The following ZBED5 variants were observed in gnomAD, a reference collection of about 807,000 sequenced individuals.
ZBED5 encodes zinc finger BED domain-containing protein 5.
In ZBED5, 29 loss-of-function variants were observed where a neutral mutation model predicts 49.2. That is an observed-to-expected ratio of 0.59 (90% CI 0.44 to 0.80). ZBED5 has a LOEUF of 0.80. Among genes scored for constraint, ZBED5 ranks in the 30% least tolerant of loss-of-function variants. ZBED5 has a pLI of 0.00. For synonymous variants in ZBED5, 281 were observed against 292.5 expected, an observed-to-expected ratio of 0.96 and a Z score of 0.40; for missense variants, 775 against 812.9, an observed-to-expected ratio of 0.95 and a Z score of 0.57.
At position 10,854,998 on chromosome 11, in the gene ZBED5, C is replaced by T. The variant is rs2232917; in HGVS notation, c.-53G>A. 221 of 1,511,974 alleles carry T rather than the reference C, an allele frequency of 1.5e-4. No homozygotes were observed. The East Asian group carries it at 4.9e-3, about 34-fold the overall frequency. The allele number at this position is 1,511,974 out of a possible 1,614,324, so 93.7% of individuals were successfully genotyped here. The stretch of plus-strand genomic sequence containing the variant: ...AGTTAATTTGTAAATGCTGCCTATT[C>T]ATCAATGCGCAGATGGAACATCATA... On this transcript the variant is annotated 5_prime_UTR_variant, in exon 3 of 3. An upstream start codon of the reference 5' UTR is lost. Coordinates refer to ENST00000413761, the MANE Select transcript of ZBED5 (RefSeq NM_001143667.2). This position sits in a 1 kb window ranked among gnomAD's most constrained non-coding sequence, Gnocchi z 5.0.
rs1219646491 is a variant in ZBED5 at position 10,854,220 on chromosome 11, C to G, written c.726G>C (p.Gln242His). Residue 242 changes from glutamine (Q) to histidine (H), a missense_variant, in exon 3 of 3, where the codon CAG becomes CAC. Gln to His is a conservative substitution (Grantham distance 24). Transcript: ENST00000413761. This position sits in a 1 kb window ranked among gnomAD's most constrained non-coding sequence, Gnocchi z 5.0. The stretch of plus-strand genomic sequence containing the variant: ...GACGTGCAACAGTACTGTTTGATAG[C>G]TGTACTGCATCTATTTTTTTACTAT... Reference protein sequence around the residue: ...EQYSKKIDAVQLSNSTVARRI... With the variant: ...EQYSKKIDAVHLSNSTVARRI... 1.3e-6 allele frequency: 2 copies of G among 1,550,950 alleles called. No homozygotes were observed. Among genetic ancestry groups the G allele is most frequent in the African/African-American group, 2.7e-5 (2 of 72,990 alleles).
Position 10,857,493 on chromosome 11 carries a change from T to C in ZBED5, c.-256+369A>G, listed in dbSNP as rs1279107151. The C allele has an allele frequency of 1.3e-5, 2 of 152,382 alleles. No homozygotes were observed. 9.4% of individuals were successfully genotyped at this position (152,382 alleles called of 1,614,324 possible). A position where few individuals can be genotyped will look rare whatever the true frequency, so the allele number is the denominator to read the frequency against. The stretch of plus-strand genomic sequence containing the variant: ...TCCTTCCAACACCTAAATGCTTTTT[T>C]AAACGGTCACCTGGATGTGCAGCCA... On this transcript the variant is annotated intron_variant, in intron 1 of 2. Coordinates refer to ENST00000413761, the MANE Select transcript of ZBED5 (RefSeq NM_001143667.2). This position sits in a 1 kb window ranked among gnomAD's most constrained non-coding sequence, Gnocchi z 6.3.
At position 10,854,899 on chromosome 11, in the gene ZBED5, A is replaced by G. The variant is rs747258793; in HGVS notation, c.47T>C (p.Phe16Ser). The G allele has an allele frequency of 7.7e-6, 12 of 1,551,358 alleles. No individual in the cohort carries two copies. The highest frequency in any genetic ancestry group is 1.7e-4 in the Middle Eastern group (1 of 6,004). Reference sequence around the variant, plus strand: ...TTTAGAATAGACATTGAGTATCGCAAATGTGTTGAAATTATAAGACAGGAT... The same window carrying G: ...TTTAGAATAGACATTGAGTATCGCAGATGTGTTGAAATTATAAGACAGGAT... ...LCILSYNFNTFAILNVYSKLT... is the reference protein window; with the variant it reads ...LCILSYNFNTSAILNVYSKLT... The change falls in exon 3 of 3, where the codon TTT becomes TCT. Residue 16 changes from phenylalanine to serine, a missense_variant. Transcript: ENST00000413761. This position sits in a 1 kb window ranked among gnomAD's most constrained non-coding sequence, Gnocchi z 5.0.
At position 10,853,674 on chromosome 11, in the gene ZBED5, T is replaced by C. The variant is rs1848134403; in HGVS notation, c.1272A>G (p.Thr424=). ...ILCEEMGAQH[T]ALLLNTEVRW... The stretch of plus-strand genomic sequence containing the variant: ...TCACCTCTGTATTTAGAAGAAGTGC[T>C]GTGTGCTGAGCACCCATTTCCTCAC... The change falls in exon 3 of 3, where the codon ACA becomes ACG. Residue 424 remains threonine (T), a synonymous_variant. Coordinates refer to ENST00000413761, the MANE Select transcript of ZBED5 (RefSeq NM_001143667.2). This position sits in a 1 kb window ranked among gnomAD's most constrained non-coding sequence, Gnocchi z 5.4. 1.3e-6 allele frequency: 2 copies of C among 1,551,560 alleles called. No homozygotes were observed. Among genetic ancestry groups the C allele is most frequent in the East Asian group, 2.4e-5 (1 of 40,934 alleles).
In ZBED5 at chr11:10,857,187, A is replaced by C; in HGVS notation, c.-256+675T>G. ...TGCCAGAGGACACAGAAGAGTAGGAAGCTTTTGTTTTCAGAAAGAAGGTCC... is the reference window on the plus strand; with the variant it reads ...TGCCAGAGGACACAGAAGAGTAGGACGCTTTTGTTTTCAGAAAGAAGGTCC... On this transcript the variant is annotated intron_variant, in intron 1 of 2. Transcript: ENST00000413761. The surrounding 1 kb of genome is among the most constrained non-coding windows in gnomAD (Gnocchi z 6.3). The C allele has an allele frequency of 6.6e-6, 1 of 152,238 alleles. No homozygotes were observed. The highest frequency in any genetic ancestry group is 1.9e-4 in the East Asian group (1 of 5,198). The allele number at this position is 152,238 out of a possible 1,614,324, so 9.4% of individuals were successfully genotyped here. A position where few individuals can be genotyped will look rare whatever the true frequency, so the allele number is the denominator to read the frequency against.
Position 10,853,966 on chromosome 11 carries a change from A to T in ZBED5, c.980T>A (p.Phe327Tyr), listed in dbSNP as rs1311433043. 1 of 1,551,486 alleles carries T rather than the reference A, an allele frequency of 6.4e-7. No homozygotes were observed. Among genetic ancestry groups the T allele is most frequent in the African/African-American group, 1.4e-5 (1 of 73,040 alleles). The change falls in exon 3 of 3, where the codon TTT (phenylalanine) becomes TAT (tyrosine). Residue 327 changes from phenylalanine (F) to tyrosine (Y), a missense_variant. By Grantham distance (22) the Phe-to-Tyr change is conservative. Transcript: ENST00000413761. This position sits in a 1 kb window ranked among gnomAD's most constrained non-coding sequence, Gnocchi z 5.4. ...GEEIFNCINS[F>Y]MQKHEIEWEK... ...CCATTCAATTTCATGTTTCTGCATA[A>T]AACTGTTGATACAGTTGAATATTTC...
Position 10,857,830 on chromosome 11 carries a change from C to T in ZBED5, c.-256+32G>A, listed in dbSNP as rs550204639. The T allele has an allele frequency of 6.5e-6, 1 of 152,774 alleles. No homozygotes were observed. The highest frequency in any genetic ancestry group is 1.9e-4 in the East Asian group (1 of 5,204). The allele number at this position is 152,774 out of a possible 1,614,324, so 9.5% of individuals were successfully genotyped here. A position where few individuals can be genotyped will look rare whatever the true frequency, so the allele number is the denominator to read the frequency against. ...AGGAAGCGGCCATTTCAGAGCGCAC[C>T]GCTTAGCCGCGGCGGCGGCTCTGCT... On this transcript the variant is annotated intron_variant, in intron 1 of 2. Coordinates refer to ENST00000413761, the MANE Select transcript of ZBED5 (RefSeq NM_001143667.2). This position sits in a 1 kb window ranked among gnomAD's most constrained non-coding sequence, Gnocchi z 6.3.
Position 10,854,048 on chromosome 11 carries a change from A to T in ZBED5, c.898T>A (p.Ser300Thr), listed in dbSNP as rs1476678841. Residue 300 changes from serine (S) to threonine (T), a missense_variant, in exon 3 of 3, where the codon TCT becomes ACT. Physicochemically the swap from Ser to Thr is moderately conservative, Grantham distance 58 (BLOSUM62 1). Coordinates refer to ENST00000413761, the MANE Select transcript of ZBED5 (RefSeq NM_001143667.2). The surrounding 1 kb of genome is among the most constrained non-coding windows in gnomAD (Gnocchi z 5.0). ...CACAGGAGTAGGTCTTCCTCAATAG[A>T]CTTATTAAACCTATAACGAACAAAC... ...LVFVRYRFNK[S>T]IEEDLLLCES... 24 of 1,551,226 alleles carry T rather than the reference A, an allele frequency of 1.5e-5. No individual in the cohort carries two copies. The highest frequency in any genetic ancestry group is 1.9e-5 in the Non-Finnish European group (22 of 1,146,916).
rs1367825982 is a variant in ZBED5 at position 10,853,703 on chromosome 11, A to C, written c.1243T>G (p.Leu415Val). 1 of 1,551,632 alleles carries C rather than the reference A, an allele frequency of 6.4e-7. No individual in the cohort carries two copies. Among genetic ancestry groups the C allele is most frequent in the Admixed American group, 2.0e-5 (1 of 50,994 alleles). The change falls in exon 3 of 3, where the codon TTA becomes GTA. Residue 415 changes from leucine to valine, a missense_variant. Coordinates refer to ENST00000413761, the MANE Select transcript of ZBED5 (RefSeq NM_001143667.2). This position sits in a 1 kb window ranked among gnomAD's most constrained non-coding sequence, Gnocchi z 5.4. ...RPHQSRLLKI[L>V]CEEMGAQHTA... ...TGCTGAGCACCCATTTCCTCACATA[A>C]AATTTTTAATAGTCTGGATTGATGT...
chr11:10,854,837 C>G lies in ZBED5; in HGVS notation c.109G>C (p.Asp37His), dbSNP rs973020559. 1.9e-6 allele frequency: 3 copies of G among 1,551,990 alleles called. No homozygotes were observed. The highest frequency in any genetic ancestry group is 2.6e-6 in the Non-Finnish European group (3 of 1,146,994). The part of the protein sequence containing the change: ...MFCTTNSLPM[D>H]LLLKQGSLKQ... The stretch of plus-strand genomic sequence containing the variant: ...AGACTTCCTTGTTTCAGCAACAGAT[C>G]CATGGGCAATGAGTTTGTGGTACAA... Residue 37 changes from aspartate to histidine, a missense_variant, in exon 3 of 3, where the codon GAT (aspartate) becomes CAT (histidine). Physicochemically the swap from Asp to His is moderately conservative, Grantham distance 81 (BLOSUM62 -1). Coordinates refer to ENST00000413761, the MANE Select transcript of ZBED5 (RefSeq NM_001143667.2). This position sits in a 1 kb window ranked among gnomAD's most constrained non-coding sequence, Gnocchi z 5.0.
intron 1 of ZBED5, among the ~76,000 whole-genome samples, chr11:10,856,986 G>A (rs1268208719): frequency 1.3e-5 from 2 of 152,200 alleles, no homozygotes; most frequent in Non-Finnish European, 2.9e-5. Context: ...CGAAACGGAT[G>A]AACAATGGAT....
Position 10,855,039 on chromosome 11 carries a change from T to TGATC in ZBED5, c.-98_-95dup, listed in dbSNP as rs149400229. On this transcript the variant is annotated 5_prime_UTR_variant, in exon 3 of 3. It introduces an in-frame stop codon into an upstream open reading frame of the 5' UTR. Transcript: ENST00000413761. The surrounding 1 kb of genome is among the most constrained non-coding windows in gnomAD (Gnocchi z 4.1). ...GAACATCATACGTTCATGTATCAGG[T>TGATC]GATCTCTCATGCGACTTCCTGGTGC... 2,127 of 1,428,842 alleles carry TGATC rather than the reference T, an allele frequency of 1.5e-3. 36 individuals are homozygous for TGATC. The African/African-American group carries it at 0.027, about 18-fold the overall frequency. 88.5% of individuals were successfully genotyped at this position (1,428,842 alleles called of 1,614,324 possible).
rs765280786 is a variant in ZBED5 at position 10,853,309 on chromosome 11, C to G, written c.1637G>C (p.Cys546Ser). 7.1e-6 allele frequency: 11 copies of G among 1,551,592 alleles called. No individual in the cohort carries two copies. The highest frequency in any genetic ancestry group is 9.6e-6 in the Non-Finnish European group (11 of 1,146,956). The change falls in exon 3 of 3, where the codon TGC becomes TCC. Residue 546 changes from cysteine to serine, a missense_variant. Transcript: ENST00000413761. The surrounding 1 kb of genome is among the most constrained non-coding windows in gnomAD (Gnocchi z 5.4). ...CCTTAGGTGCTGCACAATGGCACTG[C>G]AAATATCTTTATCAACTGTAGAATT... ...EINSTVDKDI[C>S]SAIVQHLRGL...
Position 10,854,902 on chromosome 11 carries a change from G to C in ZBED5, c.44C>G (p.Thr15Arg), listed in dbSNP as rs189388307. 6.4e-7 allele frequency: 1 copy of C among 1,551,458 alleles called. No homozygotes were observed. The highest frequency in any genetic ancestry group is 2.4e-5 in the East Asian group (1 of 40,888). ...AGAATAGACATTGAGTATCGCAAAT[G>C]TGTTGAAATTATAAGACAGGATACA... ...LLCILSYNFN[T>R]FAILNVYSKL... Residue 15 changes from threonine (T) to arginine (R), a missense_variant, in exon 3 of 3, where the codon ACA becomes AGA. By Grantham distance (71) the Thr-to-Arg change is moderately conservative. Coordinates refer to ENST00000413761, the MANE Select transcript of ZBED5 (RefSeq NM_001143667.2). This position sits in a 1 kb window ranked among gnomAD's most constrained non-coding sequence, Gnocchi z 5.0.
rs14229 is a variant in ZBED5 at position 10,855,574 on chromosome 11, T to C, written c.-141-488A>G. ...CTCTTTTAGCTTTTGATGCCTACTG[T>C]CATTAGATGTATTAGTTGTTGATAC... is the stretch of plus-strand genomic sequence containing the variant. On this transcript the variant is annotated intron_variant, in intron 2 of 2. Transcript: ENST00000413761. The surrounding 1 kb of genome is among the most constrained non-coding windows in gnomAD (Gnocchi z 4.1). 80,332 of 152,134 alleles carry C rather than the reference T, an allele frequency of 0.53. 23,682 individuals carry two copies. Among genetic ancestry groups the C allele is most frequent in the African/African-American group, 0.81 (33,661 of 41,512 alleles). 9.4% of individuals were successfully genotyped at this position (152,134 alleles called of 1,614,324 possible). A position where few individuals can be genotyped will look rare whatever the true frequency, so the allele number is the denominator to read the frequency against.
rs1160655062 is a variant in ZBED5 at position 10,854,301 on chromosome 11, T to A, written c.645A>T (p.Glu215Asp). The change falls in exon 3 of 3, where the codon GAA becomes GAT. Residue 215 changes from glutamate (E) to aspartate (D), a missense_variant. By Grantham distance (45) the Glu-to-Asp change is conservative. Coordinates refer to ENST00000413761, the MANE Select transcript of ZBED5 (RefSeq NM_001143667.2). The surrounding 1 kb of genome is among the most constrained non-coding windows in gnomAD (Gnocchi z 5.0). ...CTTTTGCACAAGGTTTGATAAGCAA[T>A]TCTCCAATAGTATGAGCCTCTCCAC... ...ALSGEAHTIG[E>D]LLIKPCAKDV... is the part of the protein sequence containing the mutation. 1.9e-6 allele frequency: 3 copies of A among 1,550,840 alleles called. No individual in the cohort carries two copies. The highest frequency in any genetic ancestry group is 2.6e-6 in the Non-Finnish European group (3 of 1,146,918).
Position 10,857,796 on chromosome 11 carries a change from G to A in ZBED5, c.-256+66C>T, listed in dbSNP as rs567631376. ...AGCAGAGCCCGCGACCGCCATCTTAGGCAGTTCCAGGAAGCGGCCATTTCA... is the reference window on the plus strand; with the variant it reads ...AGCAGAGCCCGCGACCGCCATCTTAAGCAGTTCCAGGAAGCGGCCATTTCA... On this transcript the variant is annotated intron_variant, in intron 1 of 2. Transcript: ENST00000413761. This position sits in a 1 kb window ranked among gnomAD's most constrained non-coding sequence, Gnocchi z 6.3. The A allele has an allele frequency of 1.3e-5, 2 of 152,560 alleles. No homozygotes were observed. Among genetic ancestry groups the A allele is most frequent in the East Asian group, 3.9e-4 (2 of 5,164 alleles). 9.5% of individuals were successfully genotyped at this position (152,560 alleles called of 1,614,324 possible).
In ZBED5 at chr11:10,853,040, G is replaced by A. The variant is rs1367755925; in HGVS notation, c.1906C>T (p.Leu636Phe). Reference sequence around the variant, plus strand: ...CACAGGTGCATTGTAGCAAAAGGAAGAAGTACACGCACTGCACGCCTTGCA... The same window carrying A: ...CACAGGTGCATTGTAGCAAAAGGAAAAAGTACACGCACTGCACGCCTTGCA... ...SIARRAVRVL[L>F]PFATMHLCET... Residue 636 changes from leucine to phenylalanine, a missense_variant, in exon 3 of 3, where the codon CTT becomes TTT. Coordinates refer to ENST00000413761, the MANE Select transcript of ZBED5 (RefSeq NM_001143667.2). This position sits in a 1 kb window ranked among gnomAD's most constrained non-coding sequence, Gnocchi z 5.4. The A allele has an allele frequency of 2.6e-6, 4 of 1,551,528 alleles. No homozygotes were observed. Among genetic ancestry groups the A allele is most frequent in the Non-Finnish European group, 3.5e-6 (4 of 1,146,954 alleles).
At position 10,855,779 on chromosome 11, in the gene ZBED5, T is replaced by C. The variant is rs1848171587; in HGVS notation, c.-142+365A>G. The C allele has an allele frequency of 6.6e-6, 1 of 152,132 alleles. No individual in the cohort carries two copies. The highest frequency in any genetic ancestry group is 2.4e-5 in the African/African-American group (1 of 41,436). 9.4% of individuals were successfully genotyped at this position (152,132 alleles called of 1,614,324 possible). A position where few individuals can be genotyped will look rare whatever the true frequency, so the allele number is the denominator to read the frequency against. On this transcript the variant is annotated intron_variant, in intron 2 of 2. Transcript: ENST00000413761. The surrounding 1 kb of genome is among the most constrained non-coding windows in gnomAD (Gnocchi z 4.1). ...GTACTGTTTCTCTGGACTTAAATTA[T>C]ATAAACGTTTATATTATCCAAATTA...
Sources: allele counts gnomAD v4.1 joint callset (sites outside exome capture counted in the v4.1 genomes callset), GRCh38; gene constraint gnomAD v4.1.1; non-coding constraint Gnocchi (gnomAD v3.1); transcripts MANE v1.5; gene names NCBI Gene and HGNC (gene_info 2026-07-23, HGNC 2026-07-21).